SATB1: variants seen among roughly 807,000 people sequenced by gnomAD.
SATB1 encodes the protein SATB homeobox 1.
Under a neutral mutation model 86.9 loss-of-function variants are expected in SATB1, and 11 were observed. The observed-to-expected ratio is 0.13, with a 90% CI of 0.08 to 0.21. The LOEUF (loss-of-function observed/expected upper bound fraction) is 0.21. Ranked by LOEUF, SATB1 falls within the 10% of genes least tolerant of loss-of-function variation. The pLI, the probability that SATB1 is intolerant of heterozygous loss-of-function variation, is 1.00. For missense variants in SATB1, 551 were observed against 937.6 expected (o/e 0.59, Z 5.39); for synonymous variants, 357 against 357.2 (o/e 1.00, Z 0.01).
At chr3:18,391,379 A>G (rs11490681) in intron 7 of SATB1, among the ~76,000 whole-genome samples, 4 of 127,708 alleles carry the variant, frequency 3.1e-5, no homozygotes, top group African/African-American at 1.2e-4. Context: ...ATTTTACATT[A>G]ATTTTTTTTT....
intron 7 of SATB1, among the ~76,000 whole-genome samples, chr3:18,388,378 C>CCT (rs917302810): frequency 3.3e-5 from 5 of 152,068 alleles, no homozygotes; most frequent in Non-Finnish European, 1.5e-5. Flanking sequence ...GCTCTTTACT[C>CCT]CTCTCCACCA....
At chr3:18,375,618 T>G (rs1191745889) in intron 9 of SATB1, among the ~76,000 whole-genome samples, 1 of 152,162 alleles carries the variant, frequency 6.6e-6, no homozygotes, top group African/African-American at 2.4e-5. Flanking sequence ...TTGTTGTTGT[T>G]GTTAGTTTTT....
chr3:18,428,346 G>T (rs1027538350), upstream of SATB1, among the ~76,000 whole-genome samples: 1 of 152,068 alleles, frequency 6.6e-6, no homozygotes, highest in African/African-American at 2.4e-5. Flanking sequence ...ATTAATCCAC[G>T]AATGGATTAA....
intron 4 of SATB1, among the ~76,000 whole-genome samples, chr3:18,415,675 A>G (rs561391239): frequency 3.3e-5 from 5 of 152,280 alleles, no homozygotes; most frequent in East Asian, 1.9e-4. Context: ...GGCACTGTTC[A>G]TGATATGCAA....
intron 5 of SATB1, among the ~76,000 whole-genome samples, chr3:18,401,817 G>A (rs554935166): frequency 2.0e-5 from 3 of 152,108 alleles, no homozygotes; most frequent in African/African-American, 4.8e-5. Context: ...TCCCTATGAG[G>A]AGCTTCGGTT....
intron 2 of SATB1, among the ~76,000 whole-genome samples, chr3:18,433,154 C>T (rs1278157888): frequency 6.6e-6 from 1 of 152,116 alleles, no homozygotes; most frequent in Non-Finnish European, 1.5e-5. Flanking sequence ...GAGAAAGGCG[C>T]ATAGACAAAA....
upstream of SATB1, among the ~76,000 whole-genome samples, chr3:18,440,277 G>C (rs187905643): frequency 2.0e-5 from 3 of 152,278 alleles, no homozygotes; most frequent in East Asian, 3.9e-4. Context: ...CAAAGTAAAA[G>C]TGCATAACAT....
upstream of SATB1, among the ~76,000 whole-genome samples, chr3:18,440,382 C>G (rs1330598504): frequency 6.6e-6 from 1 of 152,158 alleles, no homozygotes; most frequent in Non-Finnish European, 1.5e-5. Flanking sequence ...AAACTCCTCT[C>G]GACCCCTATC....
chr3:18,391,413 A>G (rs991021088), intron 7 of SATB1, among the ~76,000 whole-genome samples: 2 of 151,844 alleles, frequency 1.3e-5, no homozygotes, highest in Non-Finnish European at 2.9e-5. Context: ...GTTTTAGGGT[A>G]CATGTGCACA....
At chr3:18,372,366 C>G (rs1367581731) in intron 9 of SATB1, among the ~76,000 whole-genome samples, 1 of 151,850 alleles carries the variant, frequency 6.6e-6, no homozygotes. Context: ...TTAAGTGGGT[C>G]GAAGAGAAAA....
At chr3:18,414,757 C>T (rs1021963071) in intron 5 of SATB1, among the ~76,000 whole-genome samples, 4 of 152,010 alleles carry the variant, frequency 2.6e-5, no homozygotes, top group East Asian at 1.9e-4. Flanking sequence ...ACCGAAGCTT[C>T]GTGGGAGTAG....
At chr3:18,396,297 AT>A (rs771728602) in intron 6 of SATB1, among the ~76,000 whole-genome samples, 1 of 152,170 alleles carries the variant, frequency 6.6e-6, no homozygotes, top group Non-Finnish European at 1.5e-5. Context: ...TTAAAAAAAA[AT>A]TAAATGAATG....
chr3:18,432,444 G>A (rs1457044043), intron 2 of SATB1, among the ~76,000 whole-genome samples: 1 of 152,094 alleles, frequency 6.6e-6, no homozygotes, highest in Non-Finnish European at 1.5e-5. Context: ...TCCTTGTCCA[G>A]GTCATTTTTG....
chr3:18,352,270 GA>G lies in SATB1; in HGVS notation c.1576-76del. 3 of 1,305,436 alleles carry G rather than the reference GA, an allele frequency of 2.3e-6. No individual in the cohort carries two copies. Among genetic ancestry groups the G allele is most frequent in the South Asian group, 2.5e-5 (2 of 80,274 alleles). The allele number at this position is 1,305,436 out of a possible 1,614,324, so 80.9% of individuals were successfully genotyped here. A position where few individuals can be genotyped will look rare whatever the true frequency, so the allele number is the denominator to read the frequency against. ...GCATTTTCCATTAGGAGCTAAAAAG[GA>G]AAAACCCTATGAATTAACTTTTTCA... On this transcript the variant is annotated intron_variant, in intron 9 of 10. Transcript: ENST00000338745. The surrounding 1 kb of genome is among the most constrained non-coding windows in gnomAD (Gnocchi z 4.1).
intron 9 of SATB1, among the ~76,000 whole-genome samples, chr3:18,367,602 C>A (rs1196502403): frequency 6.6e-6 from 1 of 152,122 alleles, no homozygotes; most frequent in African/African-American, 2.4e-5. Context: ...AATAATTTGT[C>A]TTTGAAACGC....
rs906154424 is a variant in SATB1 at position 18,352,278 on chromosome 3, C to G, written c.1576-83G>C. On this transcript the variant is annotated intron_variant, in intron 9 of 10. Transcript: ENST00000338745. This position sits in a 1 kb window ranked among gnomAD's most constrained non-coding sequence, Gnocchi z 4.1. ...CATTAGGAGCTAAAAAGGAAAAACC[C>G]TATGAATTAACTTTTTCATAAGCTC... 6 of 1,230,712 alleles carry G rather than the reference C, an allele frequency of 4.9e-6. No individual in the cohort carries two copies. The highest frequency in any genetic ancestry group is 7.0e-6 in the Non-Finnish European group (6 of 855,748). The allele number at this position is 1,230,712 out of a possible 1,614,324, so 76.2% of individuals were successfully genotyped here. A position where few individuals can be genotyped will look rare whatever the true frequency, so the allele number is the denominator to read the frequency against.
chr3:18,422,456 C>T (rs1486617188), intron 1 of SATB1, among the ~76,000 whole-genome samples: 1 of 152,216 alleles, frequency 6.6e-6, no homozygotes, highest in Non-Finnish European at 1.5e-5. Flanking sequence ...TATCTTTGTA[C>T]TCCAGAGTGG....
chr3:18,378,051 A>T, intron 9 of SATB1, 119 bp downstream of exon 9: 2 of 853,606 alleles, frequency 2.3e-6, no homozygotes, highest in East Asian at 5.8e-5. Flanking sequence ...TCTGGAAATA[A>T]TCCTAGACAC....
intron 10 of SATB1, chr3:18,351,693 A>G (rs1371629514): frequency 2.0e-6 from 1 of 502,452 alleles, no homozygotes; most frequent in Non-Finnish European, 3.5e-6. Flanking sequence ...ACACACAAAA[A>G]TTTTAAGCTC....
Sources: allele counts gnomAD v4.1 joint callset (sites outside exome capture counted in the v4.1 genomes callset), GRCh38; gene constraint gnomAD v4.1.1; non-coding constraint Gnocchi (gnomAD v3.1); transcripts MANE v1.5; gene names NCBI Gene and HGNC (gene_info 2026-07-23, HGNC 2026-07-21).